The following AGTPBP1 variants were observed in gnomAD, a reference collection of about 807,000 sequenced individuals.
AGTPBP1 encodes cytosolic carboxypeptidase 1.
Under a neutral mutation model 143.9 loss-of-function variants are expected in AGTPBP1, and 70 were observed. That is an observed-to-expected ratio of 0.49 (90% CI 0.40 to 0.59). AGTPBP1 has a LOEUF of 0.59. Among genes scored for constraint, AGTPBP1 ranks in the 20% least tolerant of loss-of-function variants. The probability of loss-of-function intolerance (pLI) is 0.00; values close to 1 mark genes in which losing one functional copy is unlikely to be tolerated. For missense variants in AGTPBP1, 1,229 were observed against 1,464.5 expected, an observed-to-expected ratio of 0.84 and a Z score of 2.62; for synonymous variants, 463 against 500.2, an observed-to-expected ratio of 0.93 and a Z score of 0.99.
the AGTPBP1 span, among the ~76,000 whole-genome samples, chr9:85,747,948 T>G: frequency 5.3e-5 from 8 of 152,290 alleles, no homozygotes; most frequent in East Asian, 1.5e-3. Flanking sequence ...TTTTTTTTTC[T>G]TCTGGATTTG....
At chr9:85,770,338 A>G in the AGTPBP1 span, 5 of 1,608,284 alleles carry the variant, frequency 3.1e-6, no homozygotes, top group East Asian at 2.2e-5. Flanking sequence ...GGAAGCTGCA[A>G]TTGAATACAA....
At chr9:85,720,118 TTC>T (rs1838004863) in intron 1 of AGTPBP1, among the ~76,000 whole-genome samples, 1 of 152,224 alleles carries the variant, frequency 6.6e-6, no homozygotes, top group Admixed American at 6.5e-5. Context: ...TGGTCTAAAA[TTC>T]TCTTTTATTG....
chr9:85,671,422 T>C (rs1052701806), intron 7 of AGTPBP1, among the ~76,000 whole-genome samples: 2 of 152,220 alleles, frequency 1.3e-5, no homozygotes, highest in African/African-American at 4.8e-5. Context: ...ATGTTCTTTT[T>C]AATTACATGT....
chr9:85,638,358 TA>T lies in AGTPBP1; in HGVS notation c.1302+4468del, dbSNP rs965140712. 3.8e-4 allele frequency among the ~76,000 whole-genome samples: 57 copies of T among 150,906 alleles called. 1 individual carries two copies. Among genetic ancestry groups the T allele is most frequent in the South Asian group, 1.7e-3 (8 of 4,790 alleles). On this transcript the variant is annotated intron_variant, in intron 13 of 25. Coordinates refer to ENST00000357081, the MANE Select transcript of AGTPBP1 (RefSeq NM_001330701.2). ...TATACCTCAAAAAAGTTGATTAAAA[TA>T]AAAAAAAGACTGTATATACAGTTTT...
At chr9:85,628,687 A>G (rs1831457585) in intron 14 of AGTPBP1, among the ~76,000 whole-genome samples, 1 of 152,124 alleles carries the variant, frequency 6.6e-6, no homozygotes. Context: ...TACAGGTAAC[A>G]ACAGAGTTGG....
At chr9:85,575,971 T>C (rs1170886988) in intron 24 of AGTPBP1, among the ~76,000 whole-genome samples, 3 of 152,138 alleles carry the variant, frequency 2.0e-5, no homozygotes, top group Non-Finnish European at 4.4e-5. Context: ...AAGGTAACTG[T>C]CAAAAAAAGA....
intron 25 of AGTPBP1, among the ~76,000 whole-genome samples, chr9:85,557,584 A>G (rs1826432451): frequency 6.6e-6 from 1 of 152,242 alleles, no homozygotes; most frequent in Admixed American, 6.5e-5. Flanking sequence ...CACAGCTATT[A>G]GAAAGGAAAA....
intron 3 of AGTPBP1, 134 bp downstream of exon 3, chr9:85,692,555 T>G: frequency 1.8e-5 from 20 of 1,084,788 alleles, no homozygotes; most frequent in South Asian, 3.1e-5. Context: ...ATTACAGGTG[T>G]GAGCCACCAC....
intron 1 of AGTPBP1, among the ~76,000 whole-genome samples, chr9:85,734,297 C>T (rs1052530562): frequency 1.3e-5 from 2 of 151,918 alleles, no homozygotes; most frequent in African/African-American, 2.4e-5. Flanking sequence ...AGCCCTGAAT[C>T]TGATGGCTTC....
At chr9:85,676,129 C>T (rs759289216) in intron 6 of AGTPBP1, among the ~76,000 whole-genome samples, 3 of 152,060 alleles carry the variant, frequency 2.0e-5, no homozygotes, top group Non-Finnish European at 2.9e-5. Context: ...GAAATGCTTC[C>T]GGATATTGGT....
chr9:85,571,606 A>G (rs1827465929), intron 25 of AGTPBP1, among the ~76,000 whole-genome samples: 1 of 152,216 alleles, frequency 6.6e-6, no homozygotes, highest in South Asian at 2.1e-4. Context: ...GGAAAAAACT[A>G]CTTCATAATG....
chr9:85,693,606 C>A (rs1029738214), intron 2 of AGTPBP1, among the ~76,000 whole-genome samples: 34 of 151,554 alleles, frequency 2.2e-4, no homozygotes, highest in Non-Finnish European at 4.0e-4. Context: ...TCAACAACAA[C>A]AAAAAAAATT....
chr9:85,712,456 C>T (rs773730864), intron 2 of AGTPBP1, 46 bp downstream of exon 2: 16 of 1,037,134 alleles, frequency 1.5e-5, no homozygotes, highest in Non-Finnish European at 2.1e-5. Flanking sequence ...TTCTGTCATA[C>T]ATTATTTCTG....
intron 17 of AGTPBP1, among the ~76,000 whole-genome samples, chr9:85,602,041 G>A: frequency 6.6e-6 from 1 of 152,124 alleles, no homozygotes; most frequent in East Asian, 1.9e-4. Flanking sequence ...AGATGCGACT[G>A]TTATACCAGA....
chr9:85,758,723 C>T, the AGTPBP1 span, among the ~76,000 whole-genome samples: 5 of 152,070 alleles, frequency 3.3e-5, no homozygotes, highest in East Asian at 3.9e-4. Context: ...AAAGTAGGAG[C>T]GAAACATTTT....
chr9:85,637,651 G>A (rs1195649525), intron 13 of AGTPBP1, among the ~76,000 whole-genome samples: 1 of 152,174 alleles, frequency 6.6e-6, no homozygotes, highest in African/African-American at 2.4e-5. Flanking sequence ...CATCTGCGCA[G>A]GAGATGAAGA....
At chr9:85,782,346 C>T in the AGTPBP1 span, among the ~76,000 whole-genome samples, 1 of 152,088 alleles carries the variant, frequency 6.6e-6, no homozygotes, top group Non-Finnish European at 1.5e-5. Flanking sequence ...GAAACCCCGT[C>T]TCTATTAAAA....
intron 25 of AGTPBP1, among the ~76,000 whole-genome samples, chr9:85,557,589 G>A (rs1169934794): frequency 2.6e-5 from 4 of 152,056 alleles, no homozygotes; most frequent in African/African-American, 9.7e-5. Flanking sequence ...CTATTAGAAA[G>A]GAAAATCTTT....
intron 3 of AGTPBP1, among the ~76,000 whole-genome samples, chr9:85,685,677 T>C (rs1292320794): frequency 6.6e-6 from 1 of 152,034 alleles, no homozygotes; most frequent in Non-Finnish European, 1.5e-5. Context: ...ACTCACATCA[T>C]TAGAAAAGAA....
Sources: allele counts gnomAD v4.1 joint callset (sites outside exome capture counted in the v4.1 genomes callset), GRCh38; gene constraint gnomAD v4.1.1; transcripts MANE v1.5; gene names NCBI Gene and HGNC (gene_info 2026-07-23, HGNC 2026-07-21).